PRDM13: variants seen among roughly 807,000 people sequenced by gnomAD.
PRDM13 encodes PR domain zinc finger protein 13.
In PRDM13, 15 loss-of-function variants were observed where a neutral mutation model predicts 36.4. That is an observed-to-expected ratio of 0.41 (90% confidence interval 0.28 to 0.64). The LOEUF is 0.64. Among genes scored for constraint, PRDM13 ranks in the 30% least tolerant of loss-of-function variants. The pLI, the probability that PRDM13 is intolerant of heterozygous loss-of-function variation, is 0.29. For missense variants in PRDM13, 1,044 were observed against 1,013.5 expected (o/e 1.03, Z -0.41); for synonymous variants, 531 against 467.7 (o/e 1.14, Z -1.75).
In PRDM13 at chr6:99,614,093, C is replaced by T; in HGVS notation, c.1458C>T (p.Phe486=). The T allele has an allele frequency of 6.3e-7, 1 of 1,599,464 alleles. No individual in the cohort carries two copies. Among genetic ancestry groups the T allele is most frequent in the Non-Finnish European group, 8.5e-7 (1 of 1,173,738 alleles). The part of the protein sequence containing the change: ...TTAYYPLKLH[F]GGLLKYPESI... ...CTTATTACCCGCTCAAATTGCACTT[C>T]GGCGGGCTGCTGAAGTATCCGGAGT... The change falls in exon 4 of 4, where the codon TTC becomes TTT. Residue 486 remains phenylalanine (F), a synonymous_variant. Coordinates refer to ENST00000369215, the MANE Select transcript of PRDM13 (RefSeq NM_021620.4).
chr6:99,613,449 C>T lies in PRDM13; in HGVS notation c.814C>T (p.Leu272Phe), dbSNP rs1770066797. Residue 272 changes from leucine to phenylalanine, a missense_variant, in exon 4 of 4, where the codon CTC becomes TTC. Coordinates refer to ENST00000369215, the MANE Select transcript of PRDM13 (RefSeq NM_021620.4). The surrounding 1 kb of genome is among the most constrained non-coding windows in gnomAD (Gnocchi z 6.1). ...SGAARGQGHF[L>F]GIVGGSSAGV... ...AGCCGCCCGAGGACAAGGGCACTTC[C>T]TCGGCATCGTGGGCGGCTCCTCGGC... 1.9e-6 allele frequency: 3 copies of T among 1,541,086 alleles called. No homozygotes were observed. Among genetic ancestry groups the T allele is most frequent in the Non-Finnish European group, 2.6e-6 (3 of 1,152,296 alleles).
Position 99,613,686 on chromosome 6 carries a change from G to A in PRDM13, c.1051G>A (p.Gly351Ser). 1 of 1,442,072 alleles carries A rather than the reference G, an allele frequency of 6.9e-7. No homozygotes were observed. Among genetic ancestry groups the A allele is most frequent in the Admixed American group, 2.9e-5 (1 of 34,566 alleles). The allele number at this position is 1,442,072 out of a possible 1,614,324, so 89.3% of individuals were successfully genotyped here. A position where few individuals can be genotyped will look rare whatever the true frequency, so the allele number is the denominator to read the frequency against. Residue 351 changes from glycine (G) to serine (S), a missense_variant, in exon 4 of 4, where the codon GGT (glycine) becomes AGT (serine). Coordinates refer to ENST00000369215, the MANE Select transcript of PRDM13 (RefSeq NM_021620.4). This position sits in a 1 kb window ranked among gnomAD's most constrained non-coding sequence, Gnocchi z 6.1. Reference sequence around the variant, plus strand: ...GGAGAACTCGGCGGCGGGCGGCGCGGGTCACCACCATCACCACCACGCGCA... The same window carrying A: ...GGAGAACTCGGCGGCGGGCGGCGCGAGTCACCACCATCACCACCACGCGCA... ...SGENSAAGGAGHHHHHHAHHH... is the reference protein window; with the variant it reads ...SGENSAAGGASHHHHHHAHHH...
chr6:99,614,910 T>A lies in PRDM13; in HGVS notation c.*151T>A. 9.9e-7 allele frequency: 1 copy of A among 1,009,338 alleles called. No homozygotes were observed. The highest frequency in any genetic ancestry group is 1.4e-6 in the Non-Finnish European group (1 of 713,796). 62.5% of individuals were successfully genotyped at this position (1,009,338 alleles called of 1,614,324 possible). A position where few individuals can be genotyped will look rare whatever the true frequency, so the allele number is the denominator to read the frequency against. On this transcript the variant is annotated 3_prime_UTR_variant, in exon 4 of 4. Coordinates refer to ENST00000369215, the MANE Select transcript of PRDM13 (RefSeq NM_021620.4). ...GCGCCAGATTTGAAACAGTGAGAGG[T>A]CCCACATCTGGTGCTGAAACTCAGA...
intron 1 of PRDM13, 45 bp from the exon 2 acceptor site, chr6:99,608,696 G>C: frequency 1.9e-6 from 3 of 1,559,888 alleles, no homozygotes; most frequent in Non-Finnish European, 2.6e-6. Context: ...TGGGTTGTGG[G>C]CCTGGCCAAG....
At position 99,613,823 on chromosome 6, in the gene PRDM13, G is replaced by C; in HGVS notation, c.1188G>C (p.Pro396=). Residue 396 remains proline (P), a synonymous_variant, in exon 4 of 4, where the codon CCG becomes CCC. Transcript: ENST00000369215. The surrounding 1 kb of genome is among the most constrained non-coding windows in gnomAD (Gnocchi z 6.1). ...GCTTCCCTCTGCTCTCCGTCCCCCC[G>C]GAAGAGGCGTCCGCCTTCAAGCACG... ...LRGFPLLSVP[P]EEASAFKHVE... 1 of 1,511,016 alleles carries C rather than the reference G, an allele frequency of 6.6e-7. No homozygotes were observed. The allele number at this position is 1,511,016 out of a possible 1,614,324, so 93.6% of individuals were successfully genotyped here.
At position 99,607,096 on chromosome 6, in the gene PRDM13, G is replaced by T; in HGVS notation, c.62G>T (p.Gly21Val). The T allele has an allele frequency of 6.2e-7, 1 of 1,613,722 alleles. No individual in the cohort carries two copies. The highest frequency in any genetic ancestry group is 8.5e-7 in the Non-Finnish European group (1 of 1,179,994). ...SVSADCCIPA[G>V]LRLGPVPGTF... Reference sequence around the variant, plus strand: ...AGTGCCGACTGCTGCATCCCGGCCGGCTTGCGCCTCGGACCGGTGCCTGGT... The same window carrying T: ...AGTGCCGACTGCTGCATCCCGGCCGTCTTGCGCCTCGGACCGGTGCCTGGT... Residue 21 changes from glycine to valine, a missense_variant, in exon 1 of 4, where the codon GGC (glycine) becomes GTC (valine). This residue lies in a region of PRDM13 where 921 missense variants were observed against 865.2 expected (regional missense o/e 1.06). Transcript: ENST00000369215.
rs1338192467 is a variant in PRDM13 at position 99,613,624 on chromosome 6, TG to T, written c.992del (p.Gly331AlafsTer160). Reference protein sequence around the residue: ...QGAGLALGRLLGGGRACGRPG... With the variant: ...QGAGLALGRLXGGGRACGRPG... ...GCCGGCCTCGCTTTGGGCAGGCTGC[TG>T]GGCGGGGGCCGGGCGTGCGGGCGCC... On this transcript the variant is annotated frameshift_variant, in exon 4 of 4. Coordinates refer to ENST00000369215, the MANE Select transcript of PRDM13 (RefSeq NM_021620.4). LOFTEE classifies it high-confidence loss of function. The surrounding 1 kb of genome is among the most constrained non-coding windows in gnomAD (Gnocchi z 6.1). The T allele has an allele frequency of 1.4e-6, 2 of 1,465,044 alleles. No individual in the cohort carries two copies. Among genetic ancestry groups the T allele is most frequent in the Non-Finnish European group, 1.8e-6 (2 of 1,120,356 alleles). 90.8% of individuals were successfully genotyped at this position (1,465,044 alleles called of 1,614,324 possible).
intron 1 of PRDM13, 108 bp downstream of exon 1, chr6:99,607,286 G>T: frequency 6.8e-7 from 1 of 1,463,582 alleles, no homozygotes; most frequent in East Asian, 2.3e-5. Flanking sequence ...GTCGTTACCT[G>T]CTAATTCTGC....
At chr6:99,608,704 A>G (rs1456053563) in intron 1 of PRDM13, 37 bp from the exon 2 acceptor site, 1 of 1,567,734 alleles carries the variant, frequency 6.4e-7, no homozygotes, top group Admixed American at 1.8e-5. Context: ...GGGCCTGGCC[A>G]AGGTGCGGGG....
intron 3 of PRDM13, 65 bp downstream of exon 3, chr6:99,609,372 C>G: frequency 6.4e-7 from 1 of 1,561,486 alleles, no homozygotes; most frequent in Non-Finnish European, 8.8e-7. Context: ...TGAAGCGAGT[C>G]CCTAGACATA....
chr6:99,613,849 T>A lies in PRDM13; in HGVS notation c.1214T>A (p.Val405Glu). The stretch of plus-strand genomic sequence containing the variant: ...GAAGAGGCGTCCGCCTTCAAGCACG[T>A]GGAGCGCGCCCCGCCCGCAGCCGCC... ...PPEEASAFKH[V>E]ERAPPAAAAL... The change falls in exon 4 of 4, where the codon GTG (valine) becomes GAG (glutamate). Residue 405 changes from valine to glutamate, a missense_variant. Val to Glu is a moderately radical substitution (Grantham distance 121). This residue lies in a region of PRDM13 where 921 missense variants were observed against 865.2 expected (regional missense o/e 1.06). Coordinates refer to ENST00000369215, the MANE Select transcript of PRDM13 (RefSeq NM_021620.4). The surrounding 1 kb of genome is among the most constrained non-coding windows in gnomAD (Gnocchi z 6.1). 6.6e-7 allele frequency: 1 copy of A among 1,510,104 alleles called. No homozygotes were observed. The highest frequency in any genetic ancestry group is 8.8e-7 in the Non-Finnish European group (1 of 1,136,200). The allele number at this position is 1,510,104 out of a possible 1,614,324, so 93.5% of individuals were successfully genotyped here. A position where few individuals can be genotyped will look rare whatever the true frequency, so the allele number is the denominator to read the frequency against.
At chr6:99,610,298 G>A (rs931267504) in intron 3 of PRDM13, among the ~76,000 whole-genome samples, 4 of 152,194 alleles carry the variant, frequency 2.6e-5, no homozygotes, top group African/African-American at 9.7e-5. Context: ...CCTGTGGAAA[G>A]AAGTCTAGGA....
In PRDM13 at chr6:99,614,864, A is replaced by G. The variant is rs3734347; in HGVS notation, c.*105A>G. The G allele has an allele frequency of 0.11, 154,737 of 1,425,072 alleles. 19,879 individuals are homozygous for G. Among genetic ancestry groups the G allele is most frequent in the East Asian group, 0.65 (27,621 of 42,180 alleles). The allele number at this position is 1,425,072 out of a possible 1,614,324, so 88.3% of individuals were successfully genotyped here. A position where few individuals can be genotyped will look rare whatever the true frequency, so the allele number is the denominator to read the frequency against. Reference sequence around the variant, plus strand: ...TGGGAAGAGGGACCCAATGGACAAAACCGTTTTTGTTTTTGAGAGGGCGCC... The same window carrying G: ...TGGGAAGAGGGACCCAATGGACAAAGCCGTTTTTGTTTTTGAGAGGGCGCC... On this transcript the variant is annotated 3_prime_UTR_variant, in exon 4 of 4. Transcript: ENST00000369215.
intron 3 of PRDM13, among the ~76,000 whole-genome samples, chr6:99,609,650 C>T (rs1770003579): frequency 6.6e-6 from 1 of 152,054 alleles, no homozygotes; most frequent in Non-Finnish European, 1.5e-5. Flanking sequence ...CTTTGGGAGG[C>T]CGAGGTAGGA....
At chr6:99,608,960 A>G in intron 2 of PRDM13, 88 bp downstream of exon 2, 1 of 1,507,234 alleles carries the variant, frequency 6.6e-7, no homozygotes, top group Non-Finnish European at 8.9e-7. Context: ...AAATATTAAG[A>G]GCAAAGTACT....
chr6:99,609,144 A>G (rs1769996217), intron 2 of PRDM13, 43 bp from the exon 3 acceptor site: 4 of 1,606,006 alleles, frequency 2.5e-6, no homozygotes, highest in Non-Finnish European at 3.4e-6. Flanking sequence ...TTGACCGATT[A>G]CCCAGGAAAT....
At position 99,609,213 on chromosome 6, in the gene PRDM13, C is replaced by A. The variant is rs756958292; in HGVS notation, c.303C>A (p.Val101=). 6.2e-7 allele frequency: 1 copy of A among 1,613,616 alleles called. No homozygotes were observed. The highest frequency in any genetic ancestry group is 8.5e-7 in the Non-Finnish European group (1 of 1,179,588). ...GQIFYRALRD[V]QPGEELTVWY... The stretch of plus-strand genomic sequence containing the variant: ...TCTTCTACCGAGCATTGCGAGACGT[C>A]CAGCCAGGGGAGGAGCTGACAGTGT... Residue 101 remains valine, a synonymous_variant, in exon 3 of 4, where the codon GTC becomes GTA. Coordinates refer to ENST00000369215, the MANE Select transcript of PRDM13 (RefSeq NM_021620.4).
At position 99,613,356 on chromosome 6, in the gene PRDM13, A is replaced by G; in HGVS notation, c.721A>G (p.Thr241Ala). 1.9e-6 allele frequency: 3 copies of G among 1,548,314 alleles called. No homozygotes were observed. The highest frequency in any genetic ancestry group is 1.4e-5 in the African/African-American group (1 of 73,546). ...ASSAPSATSP[T>A]PGKWGQPKKG... Reference sequence around the variant, plus strand: ...TTCCGCGCCCTCGGCCACCTCGCCGACCCCAGGCAAGTGGGGGCAGCCCAA... The same window carrying G: ...TTCCGCGCCCTCGGCCACCTCGCCGGCCCCAGGCAAGTGGGGGCAGCCCAA... The change falls in exon 4 of 4, where the codon ACC (threonine) becomes GCC (alanine). Residue 241 changes from threonine to alanine, a missense_variant. Around this residue, in one of 3 missense-constraint regions of PRDM13, gnomAD observed 921 missense variants for 865.2 expected, o/e 1.06. Transcript: ENST00000369215. The surrounding 1 kb of genome is among the most constrained non-coding windows in gnomAD (Gnocchi z 6.1).
rs1378969914 is a variant in PRDM13, at chr6:99,614,684, C to T, written c.2049C>T (p.Asp683=). 6.2e-7 allele frequency: 1 copy of T among 1,610,776 alleles called. No homozygotes were observed. The highest frequency in any genetic ancestry group is 2.2e-5 in the East Asian group (1 of 44,832). ...AGCCTGGGGATCCCAAGAGCGACGACAGTGACGTGGACGTCTGCTTCACAG... is the reference window on the plus strand; with the variant it reads ...AGCCTGGGGATCCCAAGAGCGACGATAGTGACGTGGACGTCTGCTTCACAG... ...PPEPGDPKSD[D]SDVDVCFTDD... is the part of the protein sequence containing the mutation. The change falls in exon 4 of 4, where the codon GAC becomes GAT. Residue 683 remains aspartate, a synonymous_variant. Coordinates refer to ENST00000369215, the MANE Select transcript of PRDM13 (RefSeq NM_021620.4).
Sources: allele counts gnomAD v4.1 joint callset (sites outside exome capture counted in the v4.1 genomes callset), GRCh38; gene constraint gnomAD v4.1.1; regional missense constraint gnomAD v4.1.1; non-coding constraint Gnocchi (gnomAD v3.1); transcripts MANE v1.5; gene names NCBI Gene and HGNC (gene_info 2026-07-23, HGNC 2026-07-21).